Variants in DGKB observed in about 807,000 individuals in gnomAD.
DGKB encodes 90 kDa diacylglycerol kinase.
A neutral mutation model predicts 114.3 loss-of-function variants in DGKB; 67 were observed. That is an observed-to-expected ratio of 0.59 (90% confidence interval 0.48 to 0.72). The LOEUF (loss-of-function observed/expected upper bound fraction) is 0.72, where lower values mean the gene tolerates loss of function less well. Ranked by LOEUF, DGKB falls within the 30% of genes least tolerant of loss-of-function variation. DGKB has a pLI of 0.00. For synonymous variants in DGKB, 398 were observed against 323.1 expected (o/e 1.23, Z -2.49); for missense variants, 907 against 975.2 (o/e 0.93, Z 0.93).
At chr7:14,930,300 G>C (rs1229413156) in intron 1 of DGKB, among the ~76,000 whole-genome samples, 3 of 152,038 alleles carry the variant, frequency 2.0e-5, no homozygotes, top group Non-Finnish European at 4.4e-5. Context: ...ATCTGCTTTA[G>C]ACAGAGTGGT....
At chr7:14,809,281 A>G (rs778028104) in intron 2 of DGKB, among the ~76,000 whole-genome samples, 15 of 152,156 alleles carry the variant, frequency 9.9e-5, no homozygotes, top group Middle Eastern at 3.2e-3. Flanking sequence ...CTCACCTGGT[A>G]GCACTTGGAC....
intron 5 of DGKB, among the ~76,000 whole-genome samples, chr7:14,731,953 G>C (rs1035476767): frequency 6.6e-6 from 1 of 152,036 alleles, no homozygotes; most frequent in Non-Finnish European, 1.5e-5. Flanking sequence ...TTTTAAATAG[G>C]TGATAAGAGG....
At chr7:14,284,789 C>T (rs971660564) in intron 23 of DGKB, among the ~76,000 whole-genome samples, 1 of 148,882 alleles carries the variant, frequency 6.7e-6, no homozygotes. Context: ...CATAATCTCA[C>T]TCATAGGTGG....
At chr7:14,431,142 G>A (rs151022928) in intron 21 of DGKB, among the ~76,000 whole-genome samples, 1 of 152,120 alleles carries the variant, frequency 6.6e-6, no homozygotes, top group African/African-American at 2.4e-5. Context: ...CTCTTTCATT[G>A]TTATGTGTGT....
intron 23 of DGKB, among the ~76,000 whole-genome samples, chr7:14,226,750 T>C (rs868868521): frequency 1.4e-4 from 21 of 152,082 alleles, no homozygotes; most frequent in Non-Finnish European, 2.6e-4. Context: ...ATTTAACTTA[T>C]AATACATGAA....
chr7:14,256,893 C>T (rs910928192), intron 23 of DGKB, among the ~76,000 whole-genome samples: 8 of 152,056 alleles, frequency 5.3e-5, no homozygotes, highest in Admixed American at 1.3e-4. Context: ...CAGCTGGGCA[C>T]GGTGGTTTAC....
At chr7:14,799,459 G>A in intron 2 of DGKB, among the ~76,000 whole-genome samples, 1 of 152,180 alleles carries the variant, frequency 6.6e-6, no homozygotes, top group East Asian at 1.9e-4. Context: ...AGATTTATTA[G>A]TAAAACACTT....
chr7:14,599,965 C>G (rs529664933), intron 17 of DGKB, among the ~76,000 whole-genome samples: 4 of 152,066 alleles, frequency 2.6e-5, no homozygotes, highest in African/African-American at 7.2e-5. Context: ...AAATCAGAAA[C>G]AGATTACTTT....
chr7:14,377,566 C>T (rs563552643), intron 21 of DGKB, among the ~76,000 whole-genome samples: 29 of 152,230 alleles, frequency 1.9e-4, no homozygotes, highest in African/African-American at 6.7e-4. Context: ...TATGAAAACA[C>T]TTGATAAGTG....
chr7:14,830,931 G>T (rs886716527), intron 2 of DGKB, among the ~76,000 whole-genome samples: 1 of 151,966 alleles, frequency 6.6e-6, no homozygotes, highest in Non-Finnish European at 1.5e-5. Context: ...GTGTGTGCAT[G>T]TGTGCATGTA....
At chr7:14,572,804 G>A (rs1017689373) in intron 20 of DGKB, among the ~76,000 whole-genome samples, 2 of 152,182 alleles carry the variant, frequency 1.3e-5, no homozygotes, top group Non-Finnish European at 2.9e-5. Context: ...GACTCCAGAT[G>A]CAAAACTCCT....
At chr7:14,241,290 A>C (rs916235365) in intron 23 of DGKB, among the ~76,000 whole-genome samples, 5 of 152,058 alleles carry the variant, frequency 3.3e-5, no homozygotes, top group Non-Finnish European at 7.4e-5. Flanking sequence ...AATTTCTCCC[A>C]CCTAAAATTT....
At chr7:14,727,193 A>G (rs1001749569) in intron 5 of DGKB, among the ~76,000 whole-genome samples, 2 of 152,210 alleles carry the variant, frequency 1.3e-5, no homozygotes, top group Non-Finnish European at 2.9e-5. Context: ...GGGTGAATAA[A>G]TCTAATAATA....
chr7:14,564,940 G>A (rs868167456), intron 20 of DGKB, among the ~76,000 whole-genome samples: 18 of 151,784 alleles, frequency 1.2e-4, no homozygotes, highest in African/African-American at 3.9e-4. Context: ...TATTAATCTC[G>A]TCAGTCCACA....
intron 2 of DGKB, among the ~76,000 whole-genome samples, chr7:14,792,969 TTAAA>T (rs1468476534): frequency 6.6e-6 from 1 of 151,930 alleles, no homozygotes; most frequent in Non-Finnish European, 1.5e-5. Flanking sequence ...AATATTTGAG[TTAAA>T]TAGAGAAGAA....
At chr7:14,743,184 A>C (rs1832803356) in intron 4 of DGKB, among the ~76,000 whole-genome samples, 1 of 152,168 alleles carries the variant, frequency 6.6e-6, no homozygotes, top group African/African-American at 2.4e-5. Flanking sequence ...GAAAATTGGG[A>C]TTAATAGTAA....
intron 1 of DGKB, among the ~76,000 whole-genome samples, chr7:14,850,842 T>C (rs983811011): frequency 2.0e-5 from 3 of 152,144 alleles, no homozygotes; most frequent in African/African-American, 7.2e-5. Context: ...GGACAAATAA[T>C]CATATTCTTA....
intron 23 of DGKB, among the ~76,000 whole-genome samples, chr7:14,291,639 A>C (rs1028907037): frequency 6.6e-6 from 1 of 152,134 alleles, no homozygotes; most frequent in African/African-American, 2.4e-5. Flanking sequence ...TTGATGGGAA[A>C]ATTTTTCAAT....
At chr7:14,426,017 T>G (rs947473430) in intron 21 of DGKB, among the ~76,000 whole-genome samples, 2 of 152,168 alleles carry the variant, frequency 1.3e-5, no homozygotes, top group Non-Finnish European at 2.9e-5. Context: ...TTTATCTAAT[T>G]AACCTGAAAC....
Sources: allele counts gnomAD v4.1 joint callset (sites outside exome capture counted in the v4.1 genomes callset), GRCh38; gene constraint gnomAD v4.1.1; transcripts MANE v1.5; gene names NCBI Gene and HGNC (gene_info 2026-07-23, HGNC 2026-07-21).